The following SH3GLB1 variants were observed in gnomAD, a reference collection of about 807,000 sequenced individuals.
SH3GLB1 encodes the protein SH3 domain containing GRB2 like, endophilin B1, also known as endophilin-B1.
A neutral mutation model predicts 42.0 loss-of-function variants in SH3GLB1; 17 were observed. The ratio of observed to expected loss-of-function variants is 0.40; its 90% CI spans 0.28 to 0.61. SH3GLB1 has a LOEUF of 0.61. SH3GLB1 is among the 20% of genes least tolerant of loss of function. The pLI, the probability that SH3GLB1 is intolerant of heterozygous loss-of-function variation, is 0.36. For synonymous variants in SH3GLB1, 132 were observed against 146.6 expected (o/e 0.90, Z 0.72); for missense variants, 355 against 426.3 (o/e 0.83, Z 1.47).
intron 1 of SH3GLB1, among the ~76,000 whole-genome samples, chr1:86,711,851 G>A (rs905690517): frequency 1.1e-4 from 16 of 151,928 alleles, no homozygotes; most frequent in Non-Finnish European, 2.2e-4. Flanking sequence ...AATCCTTGAG[G>A]GCAAGAAGTA....
rs1262891938 is a variant in SH3GLB1, at chr1:86,744,363, G to T, written c.*1128G>T. 6.6e-6 allele frequency: 1 copy of T among 152,164 alleles called. No individual in the cohort carries two copies. The highest frequency in any genetic ancestry group is 2.4e-5 in the African/African-American group (1 of 41,428). The allele number at this position is 152,164 out of a possible 1,614,324, so 9.4% of individuals were successfully genotyped here. A position where few individuals can be genotyped will look rare whatever the true frequency, so the allele number is the denominator to read the frequency against. On this transcript the variant is annotated 3_prime_UTR_variant, in exon 9 of 9. Coordinates refer to ENST00000370558, the MANE Select transcript of SH3GLB1 (RefSeq NM_016009.5). ...CCAGATACTGTGCTGGTCAACTGGG[G>T]ATACTGTCCTGAACAATATGCACAC...
intron 5 of SH3GLB1, among the ~76,000 whole-genome samples, chr1:86,728,000 C>A (rs1407477739): frequency 1.3e-5 from 2 of 151,782 alleles, no homozygotes; most frequent in Non-Finnish European, 2.9e-5. Context: ...CTGGCTGAGG[C>A]TGATTGAAAG....
At chr1:86,739,289 C>G (rs959852486) in intron 7 of SH3GLB1, among the ~76,000 whole-genome samples, 1 of 152,126 alleles carries the variant, frequency 6.6e-6, no homozygotes, top group Non-Finnish European at 1.5e-5. Flanking sequence ...CTGAAGTACT[C>G]TAGCATAGAG....
chr1:86,718,967 G>A (rs1654709951), intron 2 of SH3GLB1, among the ~76,000 whole-genome samples: 1 of 152,174 alleles, frequency 6.6e-6, no homozygotes, highest in Non-Finnish European at 1.5e-5. Context: ...TCTGTCTGTA[G>A]ACTATTCCAA....
chr1:86,734,822 C>G, intron 6 of SH3GLB1, 131 bp downstream of exon 6: 1 of 666,002 alleles, frequency 1.5e-6, no homozygotes, highest in South Asian at 1.9e-5. Context: ...CCAATATATC[C>G]GAATAAATAT....
intron 5 of SH3GLB1, chr1:86,730,204 TCA>T: frequency 1.3e-6 from 2 of 1,515,392 alleles, no homozygotes. Flanking sequence ...ATGGGTCCAG[TCA>T]CAGTCTGTGT....
chr1:86,705,477 A>G (rs1653804590), intron 1 of SH3GLB1, among the ~76,000 whole-genome samples: 2 of 152,274 alleles, frequency 1.3e-5, no homozygotes, highest in South Asian at 4.1e-4. Flanking sequence ...TTTCTCCCTG[A>G]AAGGACTGTC....
At chr1:86,735,580 G>A (rs780978763) in intron 7 of SH3GLB1, among the ~76,000 whole-genome samples, 54 of 152,118 alleles carry the variant, frequency 3.5e-4, no homozygotes, top group African/African-American at 1.0e-3. Flanking sequence ...AGAATATTTC[G>A]TAAGACCTCA....
intron 5 of SH3GLB1, among the ~76,000 whole-genome samples, chr1:86,731,975 G>A (rs1655533814): frequency 6.6e-6 from 1 of 152,182 alleles, no homozygotes; most frequent in Admixed American, 6.5e-5. Context: ...TGAGGCAGGA[G>A]AATCCCTTGA....
chr1:86,730,603 G>A (rs1485239919), intron 5 of SH3GLB1, among the ~76,000 whole-genome samples: 5 of 151,920 alleles, frequency 3.3e-5, no homozygotes, highest in Admixed American at 2.6e-4. Flanking sequence ...GGGTTCAACC[G>A]ATTCTCCTGC....
intron 2 of SH3GLB1, among the ~76,000 whole-genome samples, chr1:86,716,770 G>C (rs966580673): frequency 1.3e-5 from 2 of 152,166 alleles, no homozygotes; most frequent in Admixed American, 1.3e-4. Flanking sequence ...GACTAGAACC[G>C]GGTGTATGAA....
intron 7 of SH3GLB1, among the ~76,000 whole-genome samples, chr1:86,739,957 C>T (rs1251652385): frequency 6.6e-6 from 1 of 151,884 alleles, no homozygotes; most frequent in Non-Finnish European, 1.5e-5. Flanking sequence ...TTAGCCTGGT[C>T]AATATGGTGA....
At position 86,715,714 on chromosome 1, in the gene SH3GLB1, T is replaced by C; in HGVS notation, c.73-10T>C. 1.3e-6 allele frequency: 2 copies of C among 1,579,506 alleles called. No individual in the cohort carries two copies. Among genetic ancestry groups the C allele is most frequent in the Non-Finnish European group, 1.7e-6 (2 of 1,171,938 alleles). On this transcript the variant is annotated splice_polypyrimidine_tract_variant and intron_variant, in intron 1 of 8. Transcript: ENST00000370558. Reference sequence around the variant, plus strand: ...AGTATATTTAATTTTTGTTTTACAATCAATAACAGTTCACAGAAGAAAAGC... The same window carrying C: ...AGTATATTTAATTTTTGTTTTACAACCAATAACAGTTCACAGAAGAAAAGC...
intron 5 of SH3GLB1, chr1:86,730,452 A>G: frequency 1.2e-6 from 1 of 807,638 alleles, no homozygotes; most frequent in Non-Finnish European, 1.5e-6. Flanking sequence ...TATAGTTAAC[A>G]CCATGTCCTG....
chr1:86,717,742 A>G (rs1654619918), intron 2 of SH3GLB1, among the ~76,000 whole-genome samples: 1 of 152,076 alleles, frequency 6.6e-6, no homozygotes, highest in Non-Finnish European at 1.5e-5. Context: ...TTATTAAGTT[A>G]CATAGGTTTT....
At chr1:86,708,503 C>G (rs1371687128) in intron 1 of SH3GLB1, among the ~76,000 whole-genome samples, 1 of 152,164 alleles carries the variant, frequency 6.6e-6, no homozygotes, top group Non-Finnish European at 1.5e-5. Flanking sequence ...AAGGTCAGCT[C>G]AAACTAGTAA....
chr1:86,731,950 A>G (rs1394569816), intron 5 of SH3GLB1, among the ~76,000 whole-genome samples: 4 of 152,176 alleles, frequency 2.6e-5, no homozygotes, highest in African/African-American at 9.6e-5. Flanking sequence ...ATGGTGTCCC[A>G]GCTACTTGGG....
Position 86,704,803 on chromosome 1 carries a change from T to C in SH3GLB1, c.-97T>C, listed in dbSNP as rs986341311. The C allele has an allele frequency of 1.0e-5, 7 of 683,628 alleles. No homozygotes were observed. The highest frequency in any genetic ancestry group is 1.6e-5 in the Non-Finnish European group (7 of 425,024). 42.3% of individuals were successfully genotyped at this position (683,628 alleles called of 1,614,324 possible). A position where few individuals can be genotyped will look rare whatever the true frequency, so the allele number is the denominator to read the frequency against. On this transcript the variant is annotated 5_prime_UTR_variant, in exon 1 of 9. Transcript: ENST00000370558. ...GCGCCGCCTCCCTCCACCTACCACGTCTGCCCTCGCCGCTCTAGCCCTGCG... is the reference window on the plus strand; with the variant it reads ...GCGCCGCCTCCCTCCACCTACCACGCCTGCCCTCGCCGCTCTAGCCCTGCG...
At position 86,704,585 on chromosome 1, in the gene SH3GLB1, T is replaced by C. The variant is rs967250945; in HGVS notation, c.-315T>C. ...CCCGCGGCCCGCGCTTGTTTTTCCC[T>C]TGGGACCCGGGTCCACACGGCGGGG... is the stretch of plus-strand genomic sequence containing the variant. On this transcript the variant is annotated 5_prime_UTR_variant, in exon 1 of 9. Transcript: ENST00000370558. The C allele has an allele frequency of 4.3e-6, 1 of 233,860 alleles. No individual in the cohort carries two copies. Among genetic ancestry groups the C allele is most frequent in the Admixed American group, 6.1e-5 (1 of 16,358 alleles). The allele number at this position is 233,860 out of a possible 1,614,324, so 14.5% of individuals were successfully genotyped here. A position where few individuals can be genotyped will look rare whatever the true frequency, so the allele number is the denominator to read the frequency against.
Sources: gnomAD v4.1 joint callset for allele counts (sites outside exome capture counted in the v4.1 genomes callset) on GRCh38, gnomAD v4.1.1 for gene constraint, MANE v1.5 for transcripts, NCBI Gene and HGNC (gene_info 2026-07-23, HGNC 2026-07-21) for gene names.